HMG20A: variants seen among roughly 807,000 people sequenced by gnomAD.
The protein encoded by HMG20A is high mobility group protein 20A.
Under a neutral mutation model 43.9 loss-of-function variants are expected in HMG20A, and 17 were observed. That is an observed-to-expected ratio of 0.39 (90% confidence interval 0.27 to 0.58). HMG20A has a LOEUF of 0.58. Among genes scored for constraint, HMG20A ranks in the 20% least tolerant of loss-of-function variants. The pLI is 0.59. For synonymous variants in HMG20A, 132 were observed against 147.5 expected, an observed-to-expected ratio of 0.89 and a Z score of 0.76; for missense variants, 341 against 438.2, an observed-to-expected ratio of 0.78 and a Z score of 1.98.
At chr15:77,505,273 AGAGATTTCCAGGTTC>A in the HMG20A span, among the ~76,000 whole-genome samples, 1 of 152,234 alleles carries the variant, frequency 6.6e-6, no homozygotes, top group African/African-American at 2.4e-5. Flanking sequence ...TGAAGCAGGC[AGAGATTTCCAGGTTC>A]GAGGTAAAGG....
chr15:77,498,912 C>A, the HMG20A span, among the ~76,000 whole-genome samples: 1 of 152,154 alleles, frequency 6.6e-6, no homozygotes, highest in East Asian at 1.9e-4. Context: ...GAATCTTCAC[C>A]ATGCTGTTGT....
intron 1 of HMG20A, among the ~76,000 whole-genome samples, chr15:77,436,512 G>C (rs2142285511): frequency 6.6e-6 from 1 of 151,668 alleles, no homozygotes; most frequent in African/African-American, 2.4e-5. Flanking sequence ...AGGCTGGAGT[G>C]CAGTGGCATG....
chr15:77,449,383 G>T (rs2073710472), intron 1 of HMG20A, among the ~76,000 whole-genome samples: 1 of 152,068 alleles, frequency 6.6e-6, no homozygotes, highest in Non-Finnish European at 1.5e-5. Context: ...CCAGTTAACT[G>T]CCTGGCAGGA....
chr15:77,465,444 G>A (rs1174031756), intron 3 of HMG20A, among the ~76,000 whole-genome samples: 24 of 146,894 alleles, frequency 1.6e-4, no homozygotes, highest in African/African-American at 5.7e-4. Context: ...TGCTCAGGCT[G>A]GAGTGCGGTG....
intron 1 of HMG20A, among the ~76,000 whole-genome samples, chr15:77,447,527 G>C (rs1014439141): frequency 3.3e-5 from 5 of 152,026 alleles, no homozygotes; most frequent in Admixed American, 3.3e-4. Flanking sequence ...TCTGAACTGT[G>C]CCAGTCTCTT....
the HMG20A span, among the ~76,000 whole-genome samples, chr15:77,493,623 C>T: frequency 3.9e-5 from 6 of 152,150 alleles, no homozygotes; most frequent in Non-Finnish European, 8.8e-5. Flanking sequence ...TGGCTATAAT[C>T]CCTCCAGAGG....
At chr15:77,452,693 C>T (rs1055611844) in intron 1 of HMG20A, among the ~76,000 whole-genome samples, 3 of 151,160 alleles carry the variant, frequency 2.0e-5, no homozygotes, top group Non-Finnish European at 4.4e-5. Context: ...TTTGATTAGG[C>T]GGTAGTTTCT....
At chr15:77,456,743 T>A (rs1024438553) in intron 1 of HMG20A, among the ~76,000 whole-genome samples, 1 of 152,144 alleles carries the variant, frequency 6.6e-6, no homozygotes, top group Non-Finnish European at 1.5e-5. Context: ...TAACAGATAT[T>A]ACAGTTTTCT....
At chr15:77,423,480 T>C (rs2073392546) in intron 1 of HMG20A, among the ~76,000 whole-genome samples, 1 of 152,228 alleles carries the variant, frequency 6.6e-6, no homozygotes. Flanking sequence ...TACTGTTACT[T>C]CAAGTTAATG....
At chr15:77,452,935 G>A (rs1251099726) in intron 1 of HMG20A, among the ~76,000 whole-genome samples, 1 of 152,138 alleles carries the variant, frequency 6.6e-6, no homozygotes, top group African/African-American at 2.4e-5. Flanking sequence ...TTTTAAAAAT[G>A]AGCAAAGGAG....
At position 77,478,477 on chromosome 15, in the gene HMG20A, C is replaced by T; in HGVS notation, c.874C>T (p.Leu292=). 1 of 1,611,210 alleles carries T rather than the reference C, an allele frequency of 6.2e-7. No homozygotes were observed. Reference sequence around the variant, plus strand: ...GCACCTGGAGACCCTGCGGCAGGTGCTGACCAGCAGCTTTGCCAGCATGCC... The same window carrying T: ...GCACCTGGAGACCCTGCGGCAGGTGTTGACCAGCAGCTTTGCCAGCATGCC... The part of the protein sequence containing the change: ...QQHLETLRQV[L]TSSFASMPLP... The change falls in exon 8 of 10, where the codon CTG becomes TTG. Residue 292 remains leucine, a synonymous_variant. Transcript: ENST00000336216.
At chr15:77,436,399 A>G (rs2073548674) in intron 1 of HMG20A, among the ~76,000 whole-genome samples, 1 of 151,626 alleles carries the variant, frequency 6.6e-6, no homozygotes. Context: ...GCTATGGTGG[A>G]CTGGTGGACT....
Position 77,420,994 on chromosome 15 carries a change from G to A in HMG20A, c.-15G>A, listed in dbSNP as rs1471348483. The A allele has an allele frequency of 2.5e-6, 1 of 398,694 alleles. No individual in the cohort carries two copies. The highest frequency in any genetic ancestry group is 4.4e-6 in the Non-Finnish European group (1 of 226,196). 24.7% of individuals were successfully genotyped at this position (398,694 alleles called of 1,614,324 possible). On this transcript the variant is annotated 5_prime_UTR_variant, in exon 1 of 10. Coordinates refer to ENST00000336216, the MANE Select transcript of HMG20A (RefSeq NM_001304504.2). ...TGGCCCTAGGCCCCTTCCTGCCCCT[G>A]TCGTCAGCAGGTCAGTAAGCAAGGC...
the HMG20A span, among the ~76,000 whole-genome samples, chr15:77,503,746 G>C: frequency 2.6e-5 from 4 of 152,346 alleles, no homozygotes; most frequent in South Asian, 4.1e-4. Context: ...TCCAACTTGG[G>C]TCTTTAAATC....
At chr15:77,517,747 G>C in the HMG20A span, among the ~76,000 whole-genome samples, 1 of 151,882 alleles carries the variant, frequency 6.6e-6, no homozygotes, top group African/African-American at 2.4e-5. Flanking sequence ...ATGTCATGGG[G>C]CAAATGGGCA....
intron 1 of HMG20A, among the ~76,000 whole-genome samples, chr15:77,455,887 G>A (rs1439023862): frequency 6.6e-6 from 1 of 152,076 alleles, no homozygotes; most frequent in Non-Finnish European, 1.5e-5. Context: ...ATATTCTTGG[G>A]AATCATTGTA....
At chr15:77,488,877 A>G (rs2072958541), downstream of HMG20A, among the ~76,000 whole-genome samples, 1 of 152,202 alleles carries the variant, frequency 6.6e-6, no homozygotes, top group South Asian at 2.1e-4. Flanking sequence ...TACACTTTTA[A>G]TGTAAAATGT....
At chr15:77,516,362 G>A in the HMG20A span, among the ~76,000 whole-genome samples, 3 of 152,150 alleles carry the variant, frequency 2.0e-5, no homozygotes, top group African/African-American at 7.2e-5. Context: ...GTAAGTCCTG[G>A]CTACTCGGGA....
chr15:77,488,486 C>A (rs961410714), downstream of HMG20A, among the ~76,000 whole-genome samples: 1 of 152,084 alleles, frequency 6.6e-6, no homozygotes, highest in African/African-American at 2.4e-5. Flanking sequence ...TTGAATCTTA[C>A]CTGATGAGAT....
Sources: allele counts gnomAD v4.1 joint callset (sites outside exome capture counted in the v4.1 genomes callset), GRCh38; gene constraint gnomAD v4.1.1; transcripts MANE v1.5; gene names NCBI Gene and HGNC (gene_info 2026-07-23, HGNC 2026-07-21).